Variants in CSGALNACT1 observed in about 807,000 individuals in gnomAD.
CSGALNACT1 encodes the protein beta4GalNAcT-1.
A neutral mutation model predicts 51.0 loss-of-function variants in CSGALNACT1; 52 were observed. That is an observed-to-expected ratio of 1.02 (90% CI 0.82 to 1.29). CSGALNACT1 has a LOEUF of 1.29. Among genes scored for constraint, CSGALNACT1 ranks in the 50% most tolerant of loss-of-function variants. The pLI is 0.00. For missense variants in CSGALNACT1, 935 were observed against 679.2 expected (o/e 1.38, Z -4.19); for synonymous variants, 341 against 254.4 (o/e 1.34, Z -3.24).
At chr8:19,696,155 G>A (rs983914109) in intron 1 of CSGALNACT1, among the ~76,000 whole-genome samples, 1 of 152,162 alleles carries the variant, frequency 6.6e-6, no homozygotes, top group African/African-American at 2.4e-5. Context: ...AGGACATCAT[G>A]AATAATTAGA....
rs372400276 is a variant in CSGALNACT1 at position 19,558,895 on chromosome 8, T to A, written c.-297+32265A>T. Among the ~76,000 whole-genome samples the A allele has an allele frequency of 9.8e-5, 15 of 152,326 alleles. No individual in the cohort carries two copies. The East Asian group carries it at 2.3e-3, about 23-fold the overall frequency. ...GGTATTTTTTCCATGAAACAATTTA[T>A]ATAAAGGAATTTTTCTCATTATTAG... On this transcript the variant is annotated intron_variant, in intron 3 of 9. Transcript: ENST00000454498.
intron 6 of CSGALNACT1, among the ~76,000 whole-genome samples, chr8:19,436,525 A>C (rs1173584262): frequency 6.6e-6 from 1 of 152,256 alleles, no homozygotes; most frequent in Non-Finnish European, 1.5e-5. Flanking sequence ...ATTATTCAGA[A>C]ATAAGATACC....
Position 19,516,545 on chromosome 8 carries a change from G to A in CSGALNACT1, c.-296-10415C>T, listed in dbSNP as rs148606911. On this transcript the variant is annotated intron_variant, in intron 3 of 9. Transcript: ENST00000454498. ...AAATGTTTTGTACCCCCATGTAGCC[G>A]TGATCTGCATTTACACATCTCTCAA... Among the ~76,000 whole-genome samples the A allele has an allele frequency of 1.2e-4, 19 of 152,238 alleles. No individual in the cohort carries two copies. In the East Asian group the frequency reaches 3.1e-3, roughly 25 times the overall value.
chr8:19,411,040 T>A (rs1585378267), intron 8 of CSGALNACT1, among the ~76,000 whole-genome samples: 1 of 152,170 alleles, frequency 6.6e-6, no homozygotes, highest in Non-Finnish European at 1.5e-5. Flanking sequence ...CTTCTTATCC[T>A]TCTGCCCTAT....
intron 1 of CSGALNACT1, among the ~76,000 whole-genome samples, chr8:19,666,749 CAAGAAAGAAAGAAGA>C (rs1453602712): frequency 9.3e-6 from 1 of 107,790 alleles, no homozygotes; most frequent in Admixed American, 1.0e-4. Context: ...ACACAAGAAA[CAAGAAAGAAAGAAGA>C]AAGAAAGAAA....
intron 6 of CSGALNACT1, among the ~76,000 whole-genome samples, chr8:19,435,214 G>C (rs1361951458): frequency 1.3e-5 from 2 of 152,116 alleles, no homozygotes; most frequent in African/African-American, 2.4e-5. Context: ...TAACTTTTTG[G>C]CCAGGCGCGG....
At chr8:19,457,840 T>C (rs773560853) in intron 5 of CSGALNACT1, 3 of 1,344,040 alleles carry the variant, frequency 2.2e-6, no homozygotes, top group Admixed American at 3.8e-5. Flanking sequence ...CCCAGCTTAG[T>C]CTCATTGAGT....
chr8:19,620,519 A>C, intron 1 of CSGALNACT1, among the ~76,000 whole-genome samples: 1 of 149,168 alleles, frequency 6.7e-6, no homozygotes, highest in South Asian at 2.1e-4. Context: ...TGCTGTCTCC[A>C]CCTCCCATGC....
intron 1 of CSGALNACT1, among the ~76,000 whole-genome samples, chr8:19,644,587 G>A (rs2154179284): frequency 6.6e-6 from 1 of 151,640 alleles, no homozygotes; most frequent in African/African-American, 2.4e-5. Flanking sequence ...GCATGCGCCT[G>A]TAATCCCAGC....
chr8:19,673,385 T>G (rs1415917949), intron 1 of CSGALNACT1, among the ~76,000 whole-genome samples: 2 of 152,230 alleles, frequency 1.3e-5, no homozygotes, highest in African/African-American at 2.4e-5. Flanking sequence ...GGACTGTAGA[T>G]GCATGCGACA....
intron 8 of CSGALNACT1, among the ~76,000 whole-genome samples, chr8:19,416,373 A>T (rs1272292658): frequency 6.6e-6 from 1 of 152,100 alleles, no homozygotes; most frequent in Non-Finnish European, 1.5e-5. Flanking sequence ...TCGGCCTCCC[A>T]AAGTGCTGGG....
At chr8:19,485,881 C>T (rs1269968050) in intron 4 of CSGALNACT1, among the ~76,000 whole-genome samples, 1 of 145,068 alleles carries the variant, frequency 6.9e-6, no homozygotes, top group Non-Finnish European at 1.5e-5. Context: ...AATCTTCTGC[C>T]TCAACTTCCC....
chr8:19,615,215 A>T (rs1193575334), intron 1 of CSGALNACT1, among the ~76,000 whole-genome samples: 1 of 152,128 alleles, frequency 6.6e-6, no homozygotes, highest in African/African-American at 2.4e-5. Context: ...AGACAGGAGA[A>T]TCAGTTGAAC....
At chr8:19,651,558 C>A (rs2057803402) in intron 1 of CSGALNACT1, among the ~76,000 whole-genome samples, 1 of 152,156 alleles carries the variant, frequency 6.6e-6, no homozygotes, top group Non-Finnish European at 1.5e-5. Flanking sequence ...GGATAAGGGC[C>A]TCCAGCTCCA....
At chr8:19,490,908 C>T (rs1275153957) in intron 4 of CSGALNACT1, among the ~76,000 whole-genome samples, 1 of 152,182 alleles carries the variant, frequency 6.6e-6, no homozygotes, top group Admixed American at 6.5e-5. Context: ...CACCTCGAAA[C>T]CTGGGACTGT....
In CSGALNACT1 at chr8:19,553,232, G is replaced by C. The variant is rs148409167; in HGVS notation, c.-297+37928C>G. ...AAAAAGAGATTCCCTAAACAAGACA[G>C]AAAAAGCACTAACCCCAAAGATTGG... On this transcript the variant is annotated intron_variant, in intron 3 of 9. Transcript: ENST00000454498. Among the ~76,000 whole-genome samples the C allele has an allele frequency of 8.5e-5, 13 of 152,056 alleles. No homozygotes were observed. The East Asian group carries it at 2.5e-3, about 29-fold the overall frequency.
intron 4 of CSGALNACT1, among the ~76,000 whole-genome samples, chr8:19,482,058 G>A (rs1436215388): frequency 1.3e-5 from 2 of 151,952 alleles, no homozygotes; most frequent in African/African-American, 2.4e-5. Flanking sequence ...TCATGACTCC[G>A]ATTAAATACA....
At chr8:19,599,058 G>A (rs1242979178) in intron 2 of CSGALNACT1, among the ~76,000 whole-genome samples, 1 of 151,988 alleles carries the variant, frequency 6.6e-6, no homozygotes, top group Admixed American at 6.6e-5. Context: ...TTCAAGGAGT[G>A]ACAGCTGGGG....
chr8:19,440,967 A>C (rs1236748815), intron 5 of CSGALNACT1, among the ~76,000 whole-genome samples: 1 of 152,218 alleles, frequency 6.6e-6, no homozygotes, highest in East Asian at 1.9e-4. Flanking sequence ...TCCCAGTCAC[A>C]ATTGCTTCAA....
Sources: gnomAD v4.1 joint callset for allele counts (sites outside exome capture counted in the v4.1 genomes callset) on GRCh38, gnomAD v4.1.1 for gene constraint, MANE v1.5 for transcripts, NCBI Gene and HGNC (gene_info 2026-07-23, HGNC 2026-07-21) for gene names.